FMO1: variants seen among roughly 807,000 people sequenced by gnomAD.
The protein encoded by FMO1 is flavin-containing monooxygenase 1.
In FMO1, 36 loss-of-function variants were observed where a neutral mutation model predicts 45.4. The observed-to-expected ratio is 0.79, with a 90% CI of 0.61 to 1.05. The LOEUF is 1.05. FMO1 is among the 50% of genes least tolerant of loss of function. The probability of loss-of-function intolerance (pLI) is 0.00; values close to 1 mark genes in which losing one functional copy is unlikely to be tolerated. For missense variants in FMO1, 615 were observed against 640.3 expected (o/e 0.96, Z 0.43); for synonymous variants, 228 against 227.2 (o/e 1.00, Z -0.03).
rs1661380703 is a variant in FMO1 at position 171,282,079 on chromosome 1, C to G, written c.929C>G (p.Ser310Cys). 2.5e-6 allele frequency: 4 copies of G among 1,613,818 alleles called. No individual in the cohort carries two copies. The highest frequency in any genetic ancestry group is 3.4e-6 in the Non-Finnish European group (4 of 1,179,790). ...AGCATAAAAGAGGTAAAGGAAAACT[C>G]TGTCATATTTAACAATACTTCAAAG... ...RPSIKEVKEN[S>C]VIFNNTSKEE... Residue 310 changes from serine (S) to cysteine (C), a missense_variant, in exon 7 of 9, where the codon TCT (serine) becomes TGT (cysteine). Ser to Cys is a moderately radical substitution (Grantham distance 112). Transcript: ENST00000617670.
intron 1 of FMO1, among the ~76,000 whole-genome samples, chr1:171,256,645 G>A (rs181154049): frequency 6.6e-6 from 1 of 151,952 alleles, no homozygotes; most frequent in Admixed American, 6.5e-5. Context: ...GAAAAAAGAG[G>A]ACCTTTTTAT....
Position 171,266,440 on chromosome 1 carries a change from T to C in FMO1, c.133-1103T>C, listed in dbSNP as rs561045437. 8.3e-4 allele frequency among the ~76,000 whole-genome samples: 126 copies of C among 152,364 alleles called. 1 individual carries two copies. Among genetic ancestry groups the C allele is most frequent in the African/African-American group, 2.9e-3 (120 of 41,588 alleles). Reference sequence around the variant, plus strand: ...TAAAATATCAAGATTTAAATAGTCATCTTTCGCAAGCATTTTAGCTGAGTC... The same window carrying C: ...TAAAATATCAAGATTTAAATAGTCACCTTTCGCAAGCATTTTAGCTGAGTC... On this transcript the variant is annotated intron_variant, in intron 2 of 8. Coordinates refer to ENST00000617670, the MANE Select transcript of FMO1 (RefSeq NM_001282693.2).
intron 7 of FMO1, 112 bp downstream of exon 7, chr1:171,282,445 T>A: frequency 1.4e-6 from 1 of 706,152 alleles, no homozygotes; most frequent in Non-Finnish European, 2.4e-6. Context: ...ACAGAATCTT[T>A]AAAAGCAGGA....
chr1:171,258,342 C>A, intron 2 of FMO1, 123 bp downstream of exon 2: 1 of 1,184,632 alleles, frequency 8.4e-7, no homozygotes, highest in Non-Finnish European at 1.2e-6. Context: ...GTCTGCTGAA[C>A]AGGGGACCAT....
chr1:171,260,304 A>G (rs1375535259), intron 2 of FMO1, among the ~76,000 whole-genome samples: 1 of 152,194 alleles, frequency 6.6e-6, no homozygotes, highest in African/African-American at 2.4e-5. Context: ...GGAAGACCCA[A>G]AGATTTTTGT....
intron 3 of FMO1, among the ~76,000 whole-genome samples, chr1:171,274,148 CA>C (rs36027678): frequency 0.28 from 26,610 of 96,540 alleles, 3,407 homozygotes; most frequent in African/African-American, 0.47. Context: ...GACTCCATCT[CA>C]AAAAAAAAAA....
At chr1:171,258,575 G>T (rs1391798288) in intron 2 of FMO1, among the ~76,000 whole-genome samples, 1 of 152,186 alleles carries the variant, frequency 6.6e-6, no homozygotes, top group Non-Finnish European at 1.5e-5. Flanking sequence ...AGTGTTAGGA[G>T]CAAGAGCAAG....
Position 171,269,554 on chromosome 1 carries a change from C to A in FMO1, c.321+1823C>A, listed in dbSNP as rs148846081. Among the ~76,000 whole-genome samples, 1,090 of 152,196 alleles carry A rather than the reference C, an allele frequency of 7.2e-3. 13 individuals carry two copies. The highest frequency in any genetic ancestry group is 0.025 in the African/African-American group (1,027 of 41,526). On this transcript the variant is annotated intron_variant, in intron 3 of 8. Coordinates refer to ENST00000617670, the MANE Select transcript of FMO1 (RefSeq NM_001282693.2). Reference sequence around the variant, plus strand: ...ATAAACAAATGCAAATGGAAAGAATCCAAGTCAAAATTATATAACAAAACA... The same window carrying A: ...ATAAACAAATGCAAATGGAAAGAATACAAGTCAAAATTATATAACAAAACA...
At chr1:171,275,189 T>C (rs970081795) in intron 3 of FMO1, among the ~76,000 whole-genome samples, 157 bp from the exon 4 acceptor site, 6 of 152,256 alleles carry the variant, frequency 3.9e-5, no homozygotes, top group Admixed American at 3.9e-4. Flanking sequence ...TAGGGAATCA[T>C]GATTAGTCCG....
intron 1 of FMO1, among the ~76,000 whole-genome samples, chr1:171,256,272 CAAAA>C (rs34529047): frequency 7.7e-5 from 6 of 78,258 alleles, no homozygotes; most frequent in African/African-American, 1.6e-4. Context: ...GACTCCATCT[CAAAA>C]AAAAAAAAAA....
chr1:171,280,705 A>T (rs1661311212), intron 5 of FMO1, 81 bp from the exon 6 acceptor site: 4 of 1,223,424 alleles, frequency 3.3e-6, no homozygotes, highest in Non-Finnish European at 4.8e-6. Flanking sequence ...CTTTCCATTC[A>T]TGACACTTCT....
At chr1:171,268,743 C>T (rs1660723525) in intron 3 of FMO1, among the ~76,000 whole-genome samples, 2 of 152,056 alleles carry the variant, frequency 1.3e-5, no homozygotes, top group African/African-American at 4.8e-5. Flanking sequence ...CAGAAAACAA[C>T]ACAAATGGAG....
At chr1:171,270,917 T>G in intron 3 of FMO1, 1 of 764,084 alleles carries the variant, frequency 1.3e-6, no homozygotes, top group Admixed American at 2.2e-5. Flanking sequence ...GGTTAAATGC[T>G]TTATAGACGA....
intron 2 of FMO1, among the ~76,000 whole-genome samples, chr1:171,261,115 G>A (rs1448732950): frequency 6.6e-6 from 1 of 152,010 alleles, no homozygotes; most frequent in African/African-American, 2.4e-5. Context: ...ACGGGCTTAG[G>A]AAAATCCACC....
intron 1 of FMO1, among the ~76,000 whole-genome samples, chr1:171,250,191 C>T (rs1659822262): frequency 6.6e-6 from 1 of 152,158 alleles, no homozygotes; most frequent in African/African-American, 2.4e-5. Flanking sequence ...GCCTGCTGAG[C>T]ACTGCACAAC....
intron 2 of FMO1, among the ~76,000 whole-genome samples, chr1:171,262,715 T>C (rs1019052926): frequency 3.3e-5 from 5 of 152,250 alleles, no homozygotes; most frequent in African/African-American, 1.2e-4. Flanking sequence ...TCTATTCGTA[T>C]ATTCAATAAA....
chr1:171,277,100 C>T (rs1364365747), intron 4 of FMO1, among the ~76,000 whole-genome samples: 3 of 152,142 alleles, frequency 2.0e-5, no homozygotes, highest in Non-Finnish European at 4.4e-5. Context: ...AAATCCCTGG[C>T]TAAATGATTA....
intron 3 of FMO1, among the ~76,000 whole-genome samples, chr1:171,269,764 T>A (rs1660771771): frequency 6.6e-6 from 1 of 152,236 alleles, no homozygotes; most frequent in Non-Finnish European, 1.5e-5. Flanking sequence ...ATTGAATAAT[T>A]CATACTGAGA....
intron 3 of FMO1, among the ~76,000 whole-genome samples, chr1:171,269,898 A>G (rs1293934869): frequency 6.6e-6 from 1 of 152,218 alleles, no homozygotes; most frequent in East Asian, 1.9e-4. Context: ...AATTAATTAA[A>G]AATACTTTTA....
Sources: allele counts gnomAD v4.1 joint callset (sites outside exome capture counted in the v4.1 genomes callset), GRCh38; gene constraint gnomAD v4.1.1; transcripts MANE v1.5; gene names NCBI Gene and HGNC (gene_info 2026-07-23, HGNC 2026-07-21).